LRP1B: variants seen among roughly 807,000 people sequenced by gnomAD.
LRP1B encodes the protein low-density lipoprotein receptor-related protein 1B.
In LRP1B, 217 loss-of-function variants were observed where a neutral mutation model predicts 556.6. That is an observed-to-expected ratio of 0.39 (90% confidence interval 0.35 to 0.44). The LOEUF (loss-of-function observed/expected upper bound fraction) is 0.44, where lower values mean the gene tolerates loss of function less well. Among genes scored for constraint, LRP1B ranks in the 20% least tolerant of loss-of-function variants. The pLI is 1.00. For missense variants in LRP1B, 5,053 were observed against 5,620.8 expected (o/e 0.90, Z 3.23); for synonymous variants, 2,047 against 1,865.8 (o/e 1.10, Z -2.50).
At chr2:141,290,475 A>G (rs1332201436) in intron 3 of LRP1B, among the ~76,000 whole-genome samples, 1 of 152,084 alleles carries the variant, frequency 6.6e-6, no homozygotes, top group African/African-American at 2.4e-5. Flanking sequence ...TCAATGTTGT[A>G]TTTATTGTAA....
chr2:141,535,119 G>A (rs1685027970), intron 2 of LRP1B, among the ~76,000 whole-genome samples: 1 of 152,012 alleles, frequency 6.6e-6, no homozygotes, highest in African/African-American at 2.4e-5. Context: ...ACAATTATCT[G>A]ACTGCTCTAT....
At chr2:141,606,531 A>G (rs908475692) in intron 2 of LRP1B, among the ~76,000 whole-genome samples, 17 of 152,238 alleles carry the variant, frequency 1.1e-4, no homozygotes, top group African/African-American at 4.1e-4. Flanking sequence ...GTACCTTAGT[A>G]TGTGACTGTG....
In LRP1B at chr2:140,621,041, T is replaced by C. The variant is rs551083200; in HGVS notation, c.6800-19402A>G. 3.9e-5 allele frequency among the ~76,000 whole-genome samples: 6 copies of C among 152,228 alleles called. No individual in the cohort carries two copies. The South Asian group carries it at 1.2e-3, about 32-fold the overall frequency. On this transcript the variant is annotated intron_variant, in intron 41 of 90. Transcript: ENST00000389484. The stretch of plus-strand genomic sequence containing the variant: ...TGCAATTTTAAAATTAAAGTGCATA[T>C]ATGAGGTATAAAGTAACAGTTTTTT...
intron 35 of LRP1B, among the ~76,000 whole-genome samples, chr2:140,729,713 A>G (rs1687712013): frequency 6.6e-6 from 1 of 152,160 alleles, no homozygotes; most frequent in Admixed American, 6.5e-5. Context: ...GTAGCAATTC[A>G]CGTTACTTAT....
chr2:141,880,157 G>T (rs1487496331), intron 1 of LRP1B, among the ~76,000 whole-genome samples: 1 of 151,848 alleles, frequency 6.6e-6, no homozygotes, highest in Non-Finnish European at 1.5e-5. Flanking sequence ...GAATATCTAC[G>T]ATCCATCAAG....
At chr2:141,731,880 T>C (rs749776093) in intron 2 of LRP1B, among the ~76,000 whole-genome samples, 27 of 152,300 alleles carry the variant, frequency 1.8e-4, no homozygotes, top group Middle Eastern at 3.4e-3. Context: ...CTCTTCAATG[T>C]AGATGGTGAC....
intron 41 of LRP1B, among the ~76,000 whole-genome samples, chr2:140,638,476 G>A (rs927217770): frequency 6.6e-6 from 1 of 152,044 alleles, no homozygotes; most frequent in Non-Finnish European, 1.5e-5. Context: ...TATGGCACAT[G>A]GTGATGTTTA....
At chr2:142,089,598 A>T (rs1447239775) in intron 1 of LRP1B, among the ~76,000 whole-genome samples, 1 of 152,218 alleles carries the variant, frequency 6.6e-6, no homozygotes, top group Non-Finnish European at 1.5e-5. Context: ...GACGCATCCC[A>T]TTCATGGACA....
intron 7 of LRP1B, among the ~76,000 whole-genome samples, chr2:141,137,574 T>A (rs1701521531): frequency 6.6e-6 from 1 of 151,978 alleles, no homozygotes; most frequent in African/African-American, 2.4e-5. Flanking sequence ...ATATGCATTA[T>A]CTCACGTACT....
chr2:141,935,554 G>T (rs922026674), intron 1 of LRP1B, among the ~76,000 whole-genome samples: 1 of 152,018 alleles, frequency 6.6e-6, no homozygotes, highest in African/African-American at 2.4e-5. Context: ...TATGAAATAT[G>T]ACAATACAAA....
At chr2:140,410,248 T>C (rs1327877080) in intron 66 of LRP1B, among the ~76,000 whole-genome samples, 1 of 152,136 alleles carries the variant, frequency 6.6e-6, no homozygotes, top group East Asian at 1.9e-4. Context: ...ACATGTCCCT[T>C]ACTTGACTTA....
intron 21 of LRP1B, among the ~76,000 whole-genome samples, chr2:140,921,912 T>A (rs1468796593): frequency 6.6e-6 from 1 of 152,062 alleles, no homozygotes; most frequent in Non-Finnish European, 1.5e-5. Flanking sequence ...CTTACACCTT[T>A]TACAACTTCT....
intron 7 of LRP1B, among the ~76,000 whole-genome samples, chr2:141,084,340 T>C (rs1699995627): frequency 6.6e-6 from 1 of 152,136 alleles, no homozygotes; most frequent in South Asian, 2.1e-4. Flanking sequence ...CCCATTATCT[T>C]ATGAGGAGTC....
At chr2:141,336,644 C>T (rs1687859335) in intron 3 of LRP1B, among the ~76,000 whole-genome samples, 1 of 152,118 alleles carries the variant, frequency 6.6e-6, no homozygotes, top group Non-Finnish European at 1.5e-5. Flanking sequence ...ATGTAACCAT[C>T]ATTATAATCA....
intron 1 of LRP1B, among the ~76,000 whole-genome samples, chr2:141,939,262 A>G (rs1050616995): frequency 2.0e-5 from 3 of 152,106 alleles, no homozygotes; most frequent in African/African-American, 7.2e-5. Context: ...ACACACACAC[A>G]ATATTACAAA....
At chr2:140,397,871 G>C (rs1684320527) in intron 66 of LRP1B, among the ~76,000 whole-genome samples, 1 of 152,024 alleles carries the variant, frequency 6.6e-6, no homozygotes, top group African/African-American at 2.4e-5. Flanking sequence ...TTTTGTATTT[G>C]ATAATATTTA....
intron 1 of LRP1B, among the ~76,000 whole-genome samples, chr2:141,842,775 C>A (rs918141650): frequency 2.6e-5 from 4 of 152,012 alleles, no homozygotes; most frequent in Admixed American, 1.3e-4. Flanking sequence ...AGTAATGTTG[C>A]CTGTTTAGTT....
At chr2:140,363,533 T>C (rs1394882913) in intron 72 of LRP1B, among the ~76,000 whole-genome samples, 1 of 151,638 alleles carries the variant, frequency 6.6e-6, no homozygotes, top group Non-Finnish European at 1.5e-5. Flanking sequence ...AGCTCTCATA[T>C]TGTTAAATAT....
intron 2 of LRP1B, among the ~76,000 whole-genome samples, chr2:141,574,588 A>G (rs760965034): frequency 2.6e-5 from 4 of 152,240 alleles, no homozygotes; most frequent in Non-Finnish European, 5.9e-5. Context: ...TCAACATAGT[A>G]TTGGAAATTC....
Sources: allele counts gnomAD v4.1 joint callset (sites outside exome capture counted in the v4.1 genomes callset), GRCh38; gene constraint gnomAD v4.1.1; transcripts MANE v1.5; gene names NCBI Gene and HGNC (gene_info 2026-07-23, HGNC 2026-07-21).